The following AFF3 variants were observed in gnomAD, a reference collection of about 807,000 sequenced individuals.
The protein encoded by AFF3 is AF4/FMR2 family member 3.
In AFF3, 32 loss-of-function variants were observed where a neutral mutation model predicts 129.7. The ratio of observed to expected loss-of-function variants is 0.25; its 90% CI spans 0.19 to 0.33. The LOEUF (loss-of-function observed/expected upper bound fraction) is 0.33, where lower values mean the gene tolerates loss of function less well. AFF3 is among the 10% of genes least tolerant of loss of function. The pLI is 1.00. For missense variants in AFF3, 1,373 were observed against 1,592.0 expected, an observed-to-expected ratio of 0.86 and a Z score of 2.34; for synonymous variants, 644 against 635.4, an observed-to-expected ratio of 1.01 and a Z score of -0.20.
intron 8 of AFF3, among the ~76,000 whole-genome samples, chr2:99,802,941 C>T (rs888536056): frequency 2.0e-5 from 3 of 152,042 alleles, no homozygotes; most frequent in Non-Finnish European, 4.4e-5. Flanking sequence ...AATTTGAATG[C>T]CCTTTAGTTC....
chr2:100,101,147 A>C (rs1690693232), intron 4 of AFF3, among the ~76,000 whole-genome samples: 2 of 152,348 alleles, frequency 1.3e-5, no homozygotes, highest in South Asian at 4.1e-4. Context: ...CTGAAGAGTA[A>C]GTATGGATGT....
chr2:99,685,354 A>G (rs1260401794), intron 11 of AFF3, among the ~76,000 whole-genome samples: 2 of 152,216 alleles, frequency 1.3e-5, no homozygotes, highest in African/African-American at 2.4e-5. Flanking sequence ...CCCTGCCAAC[A>G]TGCCTCTCTA....
intron 7 of AFF3, among the ~76,000 whole-genome samples, chr2:99,917,239 T>TAAC (rs970527465): frequency 6.6e-6 from 1 of 152,216 alleles, no homozygotes; most frequent in Admixed American, 6.5e-5. Context: ...CTGAGGCTAC[T>TAAC]AACAGGGTGT....
At chr2:99,685,578 TA>T (rs1298274519) in intron 11 of AFF3, among the ~76,000 whole-genome samples, 1 of 152,142 alleles carries the variant, frequency 6.6e-6, no homozygotes, top group Non-Finnish European at 1.5e-5. Context: ...CGAGTTTATA[TA>T]AAAAAAGAGT....
intron 8 of AFF3, among the ~76,000 whole-genome samples, chr2:99,769,985 C>G (rs954538025): frequency 4.6e-5 from 7 of 152,290 alleles, no homozygotes; most frequent in Non-Finnish European, 1.0e-4. Context: ...CAAGGCCACT[C>G]CCTGGCTACA....
intron 1 of AFF3, among the ~76,000 whole-genome samples, chr2:100,135,655 G>A (rs1692610622): frequency 6.6e-6 from 1 of 152,212 alleles, no homozygotes; most frequent in Non-Finnish European, 1.5e-5. Context: ...AATGCGGAAG[G>A]TTGTTTTGAG....
chr2:99,707,024 C>G, intron 11 of AFF3: 1 of 885,844 alleles, frequency 1.1e-6, no homozygotes, highest in Non-Finnish European at 1.4e-6. Flanking sequence ...GCACAAGCCT[C>G]AAAGGCCATA....
At chr2:99,568,771 C>T in intron 19 of AFF3, 81 bp downstream of exon 19, 1 of 1,341,050 alleles carries the variant, frequency 7.5e-7, no homozygotes, top group Middle Eastern at 1.8e-4. Flanking sequence ...TTTATAATTA[C>T]CCCAGCTATA....
At chr2:99,720,620 A>C (rs1168080659) in intron 11 of AFF3, among the ~76,000 whole-genome samples, 1 of 152,162 alleles carries the variant, frequency 6.6e-6, no homozygotes, top group Non-Finnish European at 1.5e-5. Flanking sequence ...ATGACAGTCC[A>C]TTTGTATTTA....
chr2:99,610,354 G>C (rs1340064295), intron 13 of AFF3, among the ~76,000 whole-genome samples: 1 of 152,160 alleles, frequency 6.6e-6, no homozygotes, highest in African/African-American at 2.4e-5. Context: ...GTCATTTTGA[G>C]AATGTTATAG....
intron 14 of AFF3, among the ~76,000 whole-genome samples, chr2:99,594,871 T>C (rs772407653): frequency 3.3e-5 from 5 of 152,210 alleles, no homozygotes; most frequent in Non-Finnish European, 5.9e-5. Flanking sequence ...TCAGAGGTAT[T>C]TGTGCATCTT....
intron 7 of AFF3, among the ~76,000 whole-genome samples, chr2:99,842,196 T>A (rs563407797): frequency 6.6e-6 from 1 of 152,102 alleles, no homozygotes. Context: ...AGGGTTGGGG[T>A]TGGGGGATCT....
chr2:99,966,608 T>G (rs1355872498), intron 7 of AFF3, among the ~76,000 whole-genome samples: 1 of 132,228 alleles, frequency 7.6e-6, no homozygotes, highest in South Asian at 2.4e-4. Context: ...GAGAATGGCG[T>G]GAACCCGGGA....
At chr2:100,078,998 G>A (rs559879429) in intron 4 of AFF3, among the ~76,000 whole-genome samples, 8 of 148,558 alleles carry the variant, frequency 5.4e-5, no homozygotes, top group African/African-American at 1.7e-4. Flanking sequence ...GCTGGATGGA[G>A]TGCAGTGGCG....
intron 11 of AFF3, among the ~76,000 whole-genome samples, chr2:99,682,300 T>C (rs1168120868): frequency 2.6e-5 from 4 of 152,152 alleles, no homozygotes; most frequent in African/African-American, 9.7e-5. Flanking sequence ...AGTGAATAAT[T>C]TGTACATAAC....
intron 11 of AFF3, among the ~76,000 whole-genome samples, chr2:99,689,898 C>G (rs533023287): frequency 1.9e-4 from 28 of 151,282 alleles, no homozygotes; most frequent in Non-Finnish European, 3.7e-4. Flanking sequence ...ACCAGCATGA[C>G]CAATATGGTG....
intron 4 of AFF3, among the ~76,000 whole-genome samples, chr2:100,011,250 G>A (rs1234966223): frequency 2.6e-5 from 4 of 152,074 alleles, no homozygotes; most frequent in African/African-American, 7.2e-5. Context: ...CTCCAGCCTG[G>A]GCGACAAAGC....
chr2:99,969,654 TTTGTTG>T (rs536322720), intron 7 of AFF3, among the ~76,000 whole-genome samples: 9 of 151,182 alleles, frequency 6.0e-5, no homozygotes, highest in Admixed American at 2.6e-4. Flanking sequence ...CCACCCAGGT[TTTGTTG>T]TTGTTGTTGT....
chr2:99,556,819 G>A (rs1674969012), intron 22 of AFF3, among the ~76,000 whole-genome samples: 1 of 152,058 alleles, frequency 6.6e-6, no homozygotes, highest in African/African-American at 2.4e-5. Flanking sequence ...CGACTTGGGA[G>A]GCTGAGGTGG....
Sources: allele counts gnomAD v4.1 joint callset (sites outside exome capture counted in the v4.1 genomes callset), GRCh38; gene constraint gnomAD v4.1.1; transcripts MANE v1.5; gene names NCBI Gene and HGNC (gene_info 2026-07-23, HGNC 2026-07-21).